The following GMDS variants were observed in gnomAD, a reference collection of about 807,000 sequenced individuals.
GMDS encodes GDP-mannose 4,6-dehydratase.
A neutral mutation model predicts 49.9 loss-of-function variants in GMDS; 20 were observed. That is an observed-to-expected ratio of 0.40 (90% CI 0.28 to 0.58). The LOEUF (loss-of-function observed/expected upper bound fraction) is 0.58. Among genes scored for constraint, GMDS ranks in the 20% least tolerant of loss-of-function variants. The pLI, the probability that GMDS is intolerant of heterozygous loss-of-function variation, is 0.42. For missense variants in GMDS, 362 were observed against 481.4 expected, an observed-to-expected ratio of 0.75 and a Z score of 2.32; for synonymous variants, 177 against 178.6, an observed-to-expected ratio of 0.99 and a Z score of 0.07.
At chr6:1,670,195 C>A (rs2113277121) in intron 9 of GMDS, among the ~76,000 whole-genome samples, 1 of 152,202 alleles carries the variant, frequency 6.6e-6, no homozygotes, top group African/African-American at 2.4e-5. Context: ...GGGACTTCTG[C>A]CCAGCAGCCT....
chr6:2,096,872 T>C (rs1455497285), intron 4 of GMDS, among the ~76,000 whole-genome samples: 2 of 152,168 alleles, frequency 1.3e-5, no homozygotes, highest in African/African-American at 2.4e-5. Context: ...GTATATTACA[T>C]GTATGTGTAC....
intron 1 of GMDS, among the ~76,000 whole-genome samples, chr6:2,154,863 CAAAAAA>C (rs70992124): frequency 3.0e-5 from 2 of 65,626 alleles, no homozygotes; most frequent in East Asian, 5.6e-4. Flanking sequence ...TGAAGAGATG[CAAAAAA>C]AAAAAAAAAA....
chr6:1,861,625 A>G (rs1362829531), intron 7 of GMDS, among the ~76,000 whole-genome samples: 2 of 151,364 alleles, frequency 1.3e-5, no homozygotes, highest in African/African-American at 4.9e-5. Flanking sequence ...TCCCAAAAAA[A>G]AAAAAAAGAA....
chr6:1,676,696 T>C (rs1764636684), intron 9 of GMDS, among the ~76,000 whole-genome samples: 1 of 152,210 alleles, frequency 6.6e-6, no homozygotes, highest in African/African-American at 2.4e-5. Flanking sequence ...ATTCCCTATT[T>C]AATAAACGGT....
intron 7 of GMDS, among the ~76,000 whole-genome samples, chr6:1,893,088 TC>T (rs1240019617): frequency 6.6e-6 from 1 of 151,996 alleles, no homozygotes; most frequent in Non-Finnish European, 1.5e-5. Flanking sequence ...TCCACCTCCT[TC>T]CCACCTGACC....
At chr6:1,894,996 G>C (rs958152859) in intron 7 of GMDS, among the ~76,000 whole-genome samples, 1 of 152,080 alleles carries the variant, frequency 6.6e-6, no homozygotes, top group Non-Finnish European at 1.5e-5. Context: ...TTTATCAACC[G>C]GTTGGATATC....
intron 1 of GMDS, among the ~76,000 whole-genome samples, chr6:2,167,854 T>A (rs1209764310): frequency 6.6e-6 from 1 of 152,222 alleles, no homozygotes; most frequent in Non-Finnish European, 1.5e-5. Flanking sequence ...ATTAATTCCA[T>A]GGGAACAACA....
chr6:1,679,121 C>G (rs1479611049), intron 9 of GMDS: 1 of 152,212 alleles, frequency 6.6e-6, no homozygotes, highest in African/African-American at 2.4e-5. Context: ...GAAGACATCA[C>G]TGTGCTTGTG....
intron 7 of GMDS, among the ~76,000 whole-genome samples, chr6:1,911,392 G>A (rs1191845664): frequency 2.0e-5 from 3 of 152,154 alleles, no homozygotes; most frequent in African/African-American, 7.2e-5. Flanking sequence ...TTTGGGGAAT[G>A]TTTCCCATCC....
chr6:1,642,275 T>C lies in GMDS; in HGVS notation c.988-17735A>G, dbSNP rs184899553. Among the ~76,000 whole-genome samples the C allele has an allele frequency of 6.0e-3, 898 of 150,694 alleles. 2 individuals carry two copies. The highest frequency in any genetic ancestry group is 8.2e-3 in the Non-Finnish European group (556 of 67,774). On this transcript the variant is annotated intron_variant, in intron 9 of 10. Coordinates refer to ENST00000380815, the MANE Select transcript of GMDS (RefSeq NM_001500.4). ...TCCACCTCCCAGGTTCAAGAGATTCTCCTGCCTCAGGTTCCCAAGCAGCTG... is the reference window on the plus strand; with the variant it reads ...TCCACCTCCCAGGTTCAAGAGATTCCCCTGCCTCAGGTTCCCAAGCAGCTG...
At chr6:1,681,998 T>C (rs1764808527) in intron 9 of GMDS, among the ~76,000 whole-genome samples, 1 of 152,126 alleles carries the variant, frequency 6.6e-6, no homozygotes, top group Non-Finnish European at 1.5e-5. Context: ...CCTGGCTTTT[T>C]TTTTTTCTTA....
intron 1 of GMDS, among the ~76,000 whole-genome samples, chr6:2,241,312 T>C (rs1221710440): frequency 2.6e-5 from 4 of 152,350 alleles, no homozygotes; most frequent in East Asian, 1.9e-4. Context: ...GGAACTTGCT[T>C]TGAGTCTCAG....
chr6:1,795,757 T>A (rs1250719528), intron 7 of GMDS, among the ~76,000 whole-genome samples: 1 of 152,250 alleles, frequency 6.6e-6, no homozygotes. Context: ...TGAAAGCAGT[T>A]CATTCACATT....
chr6:1,828,126 G>A (rs910745184), intron 7 of GMDS, among the ~76,000 whole-genome samples: 10 of 152,100 alleles, frequency 6.6e-5, no homozygotes, highest in African/African-American at 2.2e-4. Context: ...AAGAAATTCT[G>A]GAGCTGGAAA....
At chr6:2,129,546 A>G (rs556959919) in intron 1 of GMDS, among the ~76,000 whole-genome samples, 1 of 152,316 alleles carries the variant, frequency 6.6e-6, no homozygotes, top group African/African-American at 2.4e-5. Context: ...TAATAAAACG[A>G]ATCTCTTTGT....
chr6:2,200,803 A>T (rs1054632544), intron 1 of GMDS, among the ~76,000 whole-genome samples: 4 of 147,852 alleles, frequency 2.7e-5, no homozygotes, highest in African/African-American at 1.0e-4. Flanking sequence ...ATGAAGACAG[A>T]GCACCAAATG....
rs760629302 is a variant in GMDS at position 1,797,729 on chromosome 6, G to A, written c.772-55143C>T. The stretch of plus-strand genomic sequence containing the variant: ...CACAGCTAGGATGTGTGGCAGAGCC[G>A]GTATCTGAACCCAGGAAGCTCAGAA... On this transcript the variant is annotated intron_variant, in intron 7 of 10. Transcript: ENST00000380815. 6.7e-5 allele frequency among the ~76,000 whole-genome samples: 10 copies of A among 148,716 alleles called. No individual in the cohort carries two copies. The East Asian group carries it at 9.6e-4, about 14-fold the overall frequency.
In GMDS at chr6:1,937,149, AG is replaced by A. The variant is rs893386051; in HGVS notation, c.644-6920del. On this transcript the variant is annotated intron_variant, in intron 6 of 10. Transcript: ENST00000380815. ...TGTAGCCTAGCAGCGATAGGTGTGC[AG>A]GAAGATATACCATCCAGGCTTGTGG... 1.2e-4 allele frequency among the ~76,000 whole-genome samples: 19 copies of A among 152,168 alleles called. 1 individual carries two copies. The highest frequency in any genetic ancestry group is 4.6e-4 in the African/African-American group (19 of 41,440).
chr6:1,889,438 C>T (rs1350927064), intron 7 of GMDS, among the ~76,000 whole-genome samples: 4 of 152,140 alleles, frequency 2.6e-5, no homozygotes, highest in Non-Finnish European at 2.9e-5. Context: ...TTCTGCATTC[C>T]AACAACTTCA....
Sources: gnomAD v4.1 joint callset for allele counts (sites outside exome capture counted in the v4.1 genomes callset) on GRCh38, gnomAD v4.1.1 for gene constraint, MANE v1.5 for transcripts, NCBI Gene and HGNC (gene_info 2026-07-23, HGNC 2026-07-21) for gene names.